The following AGBL1 variants were observed in gnomAD, a reference collection of about 807,000 sequenced individuals.
The protein encoded by AGBL1 is AGBL carboxypeptidase 1, also known as cytosolic carboxypeptidase 4.
Under a neutral mutation model 118.9 loss-of-function variants are expected in AGBL1, and 130 were observed. That is an observed-to-expected ratio of 1.09 (90% CI 0.95 to 1.26). The LOEUF (loss-of-function observed/expected upper bound fraction) is 1.26. Ranked by LOEUF, AGBL1 falls within the 50% of genes most tolerant of loss-of-function variation. AGBL1 has a pLI of 0.00. For missense variants in AGBL1, 1,584 were observed against 1,298.1 expected (o/e 1.22, Z -3.38); for synonymous variants, 555 against 478.9 (o/e 1.16, Z -2.08).
chr15:86,223,114 A>G (rs2078305010), intron 5 of AGBL1, among the ~76,000 whole-genome samples: 1 of 152,098 alleles, frequency 6.6e-6, no homozygotes, highest in Non-Finnish European at 1.5e-5. Context: ...TTTGGGTTTA[A>G]GACCTTATTA....
intron 21 of AGBL1, among the ~76,000 whole-genome samples, chr15:86,591,712 C>A (rs2084338082): frequency 6.6e-6 from 1 of 152,154 alleles, no homozygotes; most frequent in Non-Finnish European, 1.5e-5. Flanking sequence ...CTCCCCAAAT[C>A]CTATCCTCTT....
At chr15:86,764,077 A>T (rs1163173708) in intron 22 of AGBL1, among the ~76,000 whole-genome samples, 1 of 152,004 alleles carries the variant, frequency 6.6e-6, no homozygotes, top group Non-Finnish European at 1.5e-5. Flanking sequence ...TAATGGGGAA[A>T]GACAGAAGGA....
chr15:86,323,488 A>G (rs903071677), intron 17 of AGBL1, among the ~76,000 whole-genome samples: 1 of 152,182 alleles, frequency 6.6e-6, no homozygotes, highest in African/African-American at 2.4e-5. Flanking sequence ...GTCATGTTAA[A>G]TAACTAAATA....
chr15:86,119,426 C>G (rs1347936600), intron 1 of AGBL1, among the ~76,000 whole-genome samples: 2 of 152,056 alleles, frequency 1.3e-5, no homozygotes, highest in African/African-American at 4.8e-5. Flanking sequence ...TCCCCACATC[C>G]TGCAAATACT....
intron 18 of AGBL1, among the ~76,000 whole-genome samples, chr15:86,463,243 G>C (rs1257793594): frequency 6.6e-6 from 1 of 151,158 alleles, no homozygotes; most frequent in African/African-American, 2.4e-5. Flanking sequence ...CTTATTTTGA[G>C]AAGTGTCTGT....
intron 22 of AGBL1, among the ~76,000 whole-genome samples, chr15:86,772,029 A>C (rs2078189560): frequency 6.6e-6 from 1 of 152,010 alleles, no homozygotes; most frequent in African/African-American, 2.4e-5. Flanking sequence ...TATGAAAAAC[A>C]AGTGGAAGAA....
At chr15:86,153,431 T>G (rs540430268) in intron 3 of AGBL1, among the ~76,000 whole-genome samples, 1 of 151,712 alleles carries the variant, frequency 6.6e-6, no homozygotes, top group Non-Finnish European at 1.5e-5. Context: ...AAACACTGCA[T>G]GCTCTCACTC....
At chr15:86,376,546 T>A (rs892003861) in intron 17 of AGBL1, among the ~76,000 whole-genome samples, 1 of 152,252 alleles carries the variant, frequency 6.6e-6, no homozygotes, top group Non-Finnish European at 1.5e-5. Context: ...TGCCATGATG[T>A]GTGATAACAG....
chr15:86,458,461 A>G (rs1346114456), intron 18 of AGBL1, among the ~76,000 whole-genome samples: 1 of 152,140 alleles, frequency 6.6e-6, no homozygotes, highest in Non-Finnish European at 1.5e-5. Flanking sequence ...AATTGGATCT[A>G]ATTTATAGAA....
At chr15:86,663,769 T>C (rs2085589831) in intron 21 of AGBL1, among the ~76,000 whole-genome samples, 1 of 152,124 alleles carries the variant, frequency 6.6e-6, no homozygotes, top group African/African-American at 2.4e-5. Flanking sequence ...AAATGGACAA[T>C]TTAATAGAGT....
At chr15:86,675,457 A>C (rs182534358) in intron 22 of AGBL1, among the ~76,000 whole-genome samples, 2 of 152,072 alleles carry the variant, frequency 1.3e-5, no homozygotes, top group Non-Finnish European at 2.9e-5. Context: ...TGATTACCTA[A>C]ATGCAGTAAT....
intron 24 of AGBL1, among the ~76,000 whole-genome samples, chr15:87,021,264 T>C (rs967225864): frequency 3.3e-5 from 5 of 152,094 alleles, no homozygotes; most frequent in African/African-American, 9.7e-5. Flanking sequence ...ATTTAATAAA[T>C]GGTGGTGGAA....
Position 86,764,069 on chromosome 15 carries a change from A to G in AGBL1, c.3158+89633A>G, listed in dbSNP as rs77875811. 6.7e-4 allele frequency among the ~76,000 whole-genome samples: 102 copies of G among 151,664 alleles called. 1 individual carries two copies. The East Asian group carries it at 0.017, about 26-fold the overall frequency. On this transcript the variant is annotated intron_variant, in intron 22 of 22. Coordinates refer to ENST00000614907, the MANE Select transcript of AGBL1 (RefSeq NM_001386094.1). ...GGGTAGAAGTGAAAGAACTTTTCTAATGGGGAAAGACAGAAGGAAAAACAG... is the reference window on the plus strand; with the variant it reads ...GGGTAGAAGTGAAAGAACTTTTCTAGTGGGGAAAGACAGAAGGAAAAACAG...
chr15:86,832,744 T>C (rs1171637183), intron 22 of AGBL1, among the ~76,000 whole-genome samples: 10 of 152,230 alleles, frequency 6.6e-5, no homozygotes, highest in Non-Finnish European at 1.0e-4. Flanking sequence ...TCTTCCTGCC[T>C]TCTTCTGAGT....
intron 5 of AGBL1, among the ~76,000 whole-genome samples, chr15:86,217,505 G>A (rs1199179908): frequency 6.6e-6 from 1 of 152,170 alleles, no homozygotes. Flanking sequence ...GTGAATAACT[G>A]CAAACTAAAT....
chr15:86,791,322 A>G (rs2078490279), intron 22 of AGBL1, among the ~76,000 whole-genome samples: 1 of 152,194 alleles, frequency 6.6e-6, no homozygotes, highest in African/African-American at 2.4e-5. Flanking sequence ...TATTATTTGT[A>G]TGACTTTGAA....
At chr15:86,703,634 C>T (rs1231351026) in intron 22 of AGBL1, among the ~76,000 whole-genome samples, 4 of 152,064 alleles carry the variant, frequency 2.6e-5, no homozygotes, top group African/African-American at 9.7e-5. Context: ...TGGGAGGTAA[C>T]TGAATCATGG....
intron 18 of AGBL1, among the ~76,000 whole-genome samples, chr15:86,460,752 A>G (rs1321434488): frequency 6.6e-6 from 1 of 152,134 alleles, no homozygotes; most frequent in African/African-American, 2.4e-5. Flanking sequence ...TTTTCCTTAA[A>G]TGCTTGTCTC....
intron 21 of AGBL1, among the ~76,000 whole-genome samples, chr15:86,661,671 C>T (rs1322984073): frequency 6.6e-6 from 1 of 151,938 alleles, no homozygotes; most frequent in East Asian, 1.9e-4. Flanking sequence ...GTCAGTGAAA[C>T]CCAGTTAAAA....
Sources: allele counts gnomAD v4.1 joint callset (sites outside exome capture counted in the v4.1 genomes callset), GRCh38; gene constraint gnomAD v4.1.1; transcripts MANE v1.5; gene names NCBI Gene and HGNC (gene_info 2026-07-23, HGNC 2026-07-21).